The following SPTLC1 variants were observed in gnomAD, a reference collection of about 807,000 sequenced individuals.
SPTLC1 encodes the protein serine palmitoyltransferase long chain base subunit 1.
SPTLC1 carries 55 observed loss-of-function variants against 68.9 expected under a neutral mutation model. That is an observed-to-expected ratio of 0.80 (90% CI 0.64 to 1.00). SPTLC1 has a LOEUF of 1.00. Ranked by LOEUF, SPTLC1 falls within the 50% of genes least tolerant of loss-of-function variation. The probability of loss-of-function intolerance (pLI) is 0.00; values close to 1 mark genes in which losing one functional copy is unlikely to be tolerated. For missense variants in SPTLC1, 449 were observed against 573.1 expected (o/e 0.78, Z 2.21); for synonymous variants, 197 against 201.6 (o/e 0.98, Z 0.19).
chr9:92,043,080 G>T (rs1459921738), intron 12 of SPTLC1, among the ~76,000 whole-genome samples: 1 of 152,050 alleles, frequency 6.6e-6, no homozygotes, highest in Non-Finnish European at 1.5e-5. Flanking sequence ...CACCTGTCTG[G>T]AACCTCCTTC....
chr9:92,056,501 C>T (rs1001818642), intron 7 of SPTLC1, among the ~76,000 whole-genome samples: 1 of 152,186 alleles, frequency 6.6e-6, no homozygotes, highest in African/African-American at 2.4e-5. Context: ...GCTGGGATTA[C>T]AGCTTTGAGC....
intron 7 of SPTLC1, among the ~76,000 whole-genome samples, chr9:92,058,044 T>A (rs986305410): frequency 6.6e-6 from 1 of 152,222 alleles, no homozygotes; most frequent in African/African-American, 2.4e-5. Flanking sequence ...ACAGACTAGC[T>A]TTCTATTACT....
rs575755082 is a variant in SPTLC1 at position 92,109,081 on chromosome 9, G to A, written c.166-247C>T. 1.3e-4 allele frequency: 49 copies of A among 391,272 alleles called. 1 individual carries two copies. Among genetic ancestry groups the A allele is most frequent in the South Asian group, 1.1e-3 (48 of 43,398 alleles). The allele number at this position is 391,272 out of a possible 1,614,324, so 24.2% of individuals were successfully genotyped here. A position where few individuals can be genotyped will look rare whatever the true frequency, so the allele number is the denominator to read the frequency against. On this transcript the variant is annotated intron_variant, in intron 2 of 14. Transcript: ENST00000262554. ...CTTGACCACTAACAGGAGCTCTCTC[G>A]GCTCTCCTAATAACATCTGGCCTAA...
chr9:92,103,615 C>T (rs1835840870), intron 3 of SPTLC1, among the ~76,000 whole-genome samples: 1 of 152,226 alleles, frequency 6.6e-6, no homozygotes, highest in Non-Finnish European at 1.5e-5. Flanking sequence ...AGAGGCGCAT[C>T]CAGTCAGGTC....
chr9:92,078,836 C>T (rs1019645683), intron 5 of SPTLC1, among the ~76,000 whole-genome samples: 5 of 152,176 alleles, frequency 3.3e-5, no homozygotes, highest in Admixed American at 6.5e-5. Flanking sequence ...TTCTCCTTAT[C>T]TGTTTCCAAG....
intron 12 of SPTLC1, among the ~76,000 whole-genome samples, chr9:92,040,057 T>C (rs148091734): frequency 4.2e-4 from 64 of 152,256 alleles, no homozygotes; most frequent in Middle Eastern, 3.4e-3. Flanking sequence ...TTAAAGGTCA[T>C]GTATTCTCAC....
intron 14 of SPTLC1, among the ~76,000 whole-genome samples, chr9:92,033,868 T>C (rs1833053988): frequency 6.6e-6 from 1 of 152,106 alleles, no homozygotes; most frequent in South Asian, 2.1e-4. Flanking sequence ...CTCCTTAAGG[T>C]GCTTTGAGCT....
At chr9:92,087,377 T>C (rs1835185968) in intron 3 of SPTLC1, among the ~76,000 whole-genome samples, 1 of 152,224 alleles carries the variant, frequency 6.6e-6, no homozygotes, top group South Asian at 2.1e-4. Flanking sequence ...TGTGGTTTTA[T>C]CTACTTTTGG....
chr9:92,052,309 A>C (rs1025980168), intron 8 of SPTLC1, among the ~76,000 whole-genome samples: 1 of 152,182 alleles, frequency 6.6e-6, no homozygotes, highest in Non-Finnish European at 1.5e-5. Context: ...TAATTTCAAC[A>C]AGGGTGCCAA....
At chr9:92,098,248 G>A (rs948585318) in intron 3 of SPTLC1, among the ~76,000 whole-genome samples, 1 of 152,022 alleles carries the variant, frequency 6.6e-6, no homozygotes. Flanking sequence ...GGACCAACGC[G>A]CATGCCCACT....
intron 3 of SPTLC1, among the ~76,000 whole-genome samples, chr9:92,082,585 C>T (rs1834927220): frequency 6.6e-6 from 1 of 151,676 alleles, no homozygotes; most frequent in South Asian, 2.1e-4. Context: ...TTTTTTATGG[C>T]TGCATAGTAT....
At chr9:92,084,982 G>A (rs1835053500) in intron 3 of SPTLC1, among the ~76,000 whole-genome samples, 1 of 152,280 alleles carries the variant, frequency 6.6e-6, no homozygotes, top group African/African-American at 2.4e-5. Context: ...GGGTGTATGT[G>A]TCGAGGAATT....
intron 3 of SPTLC1, among the ~76,000 whole-genome samples, chr9:92,090,541 G>A (rs895454907): frequency 2.0e-5 from 3 of 152,106 alleles, no homozygotes; most frequent in African/African-American, 7.2e-5. Context: ...GCACCTGGGA[G>A]AGAGACACTG....
chr9:92,096,493 C>A (rs1339101594), intron 3 of SPTLC1, among the ~76,000 whole-genome samples: 1 of 152,140 alleles, frequency 6.6e-6, no homozygotes, highest in Non-Finnish European at 1.5e-5. Context: ...CCCATTTTAA[C>A]AGGGCTCTCA....
intron 3 of SPTLC1, chr9:92,105,175 A>G (rs1044774866): frequency 6.5e-7 from 1 of 1,533,878 alleles, no homozygotes; most frequent in African/African-American, 1.4e-5. Context: ...CCCGCAAAAG[A>G]AAACTGTCGG....
At chr9:92,094,425 T>A (rs983430001) in intron 3 of SPTLC1, among the ~76,000 whole-genome samples, 1 of 152,246 alleles carries the variant, frequency 6.6e-6, no homozygotes, top group African/African-American at 2.4e-5. Flanking sequence ...ACTACATTTG[T>A]ACTTATGAAA....
At chr9:92,094,617 C>A (rs1835469643) in intron 3 of SPTLC1, among the ~76,000 whole-genome samples, 1 of 152,188 alleles carries the variant, frequency 6.6e-6, no homozygotes, top group Admixed American at 6.5e-5. Context: ...AACTGTCACC[C>A]ATTCTCAAGT....
chr9:92,032,224 C>T lies in SPTLC1; in HGVS notation c.*241G>A. ...ATGCACAATTTAAACATCAGTTATACACTGTCATTAGTTTTCCTCTTAAAA... is the reference window on the plus strand; with the variant it reads ...ATGCACAATTTAAACATCAGTTATATACTGTCATTAGTTTTCCTCTTAAAA... On this transcript the variant is annotated 3_prime_UTR_variant, in exon 15 of 15. Transcript: ENST00000262554. 1 of 1,412,064 alleles carries T rather than the reference C, an allele frequency of 7.1e-7. No homozygotes were observed. Among genetic ancestry groups the T allele is most frequent in the South Asian group, 1.4e-5 (1 of 74,070 alleles). 87.5% of individuals were successfully genotyped at this position (1,412,064 alleles called of 1,614,324 possible).
At chr9:92,078,504 G>A (rs1269439802) in intron 5 of SPTLC1, among the ~76,000 whole-genome samples, 1 of 152,198 alleles carries the variant, frequency 6.6e-6, no homozygotes, top group Non-Finnish European at 1.5e-5. Context: ...TGTCATCCAG[G>A]CTGAATTGCA....
Sources: allele counts gnomAD v4.1 joint callset (sites outside exome capture counted in the v4.1 genomes callset), GRCh38; gene constraint gnomAD v4.1.1; transcripts MANE v1.5; gene names NCBI Gene and HGNC (gene_info 2026-07-23, HGNC 2026-07-21).